COL19A1: variants seen among roughly 807,000 people sequenced by gnomAD.
COL19A1 encodes the protein collagen alpha-1(XIX) chain.
A neutral mutation model predicts 190.2 loss-of-function variants in COL19A1; 159 were observed. The observed-to-expected ratio is 0.84, with a 90% CI of 0.73 to 0.95. The LOEUF is 0.95. Ranked by LOEUF, COL19A1 falls within the 40% of genes least tolerant of loss-of-function variation. The pLI is 0.00. For synonymous variants in COL19A1, 509 were observed against 458.9 expected, an observed-to-expected ratio of 1.11 and a Z score of -1.39; for missense variants, 1,418 against 1,431.9, an observed-to-expected ratio of 0.99 and a Z score of 0.16.
At chr6:70,070,396 C>T (rs1781479876) in intron 15 of COL19A1, among the ~76,000 whole-genome samples, 1 of 151,964 alleles carries the variant, frequency 6.6e-6, no homozygotes, top group Non-Finnish European at 1.5e-5. Flanking sequence ...TTACTTTTAT[C>T]TTCTATCAAG....
At chr6:69,916,394 G>A (rs1173087311) in intron 4 of COL19A1, among the ~76,000 whole-genome samples, 2 of 152,166 alleles carry the variant, frequency 1.3e-5, no homozygotes, top group Admixed American at 6.5e-5. Flanking sequence ...AAGTTTTCTA[G>A]AAAATGATCT....
chr6:70,000,028 A>C (rs1777158901), intron 11 of COL19A1, among the ~76,000 whole-genome samples: 1 of 152,030 alleles, frequency 6.6e-6, no homozygotes, highest in Non-Finnish European at 1.5e-5. Flanking sequence ...TCCATCCCTC[A>C]ACAGCCCCTG....
intron 14 of COL19A1, among the ~76,000 whole-genome samples, chr6:70,045,330 A>C (rs1230782705): frequency 6.6e-6 from 1 of 151,740 alleles, no homozygotes; most frequent in African/African-American, 2.4e-5. Flanking sequence ...AAAAAAAAAA[A>C]AAAAACTTTC....
intron 17 of COL19A1, among the ~76,000 whole-genome samples, chr6:70,125,028 A>G (rs193042302): frequency 2.6e-5 from 4 of 152,276 alleles, no homozygotes; most frequent in East Asian, 1.9e-4. Context: ...CAAATGTGCT[A>G]TGATGAGCAC....
At chr6:70,075,017 A>G (rs1781801639) in intron 15 of COL19A1, among the ~76,000 whole-genome samples, 1 of 152,202 alleles carries the variant, frequency 6.6e-6, no homozygotes, top group African/African-American at 2.4e-5. Flanking sequence ...AACACGTTAA[A>G]TGTTCTGTAT....
intron 11 of COL19A1, among the ~76,000 whole-genome samples, chr6:69,989,553 C>CTTTTTTTTTTTTTTTTTT (rs3072698): frequency 2.4e-5 from 3 of 126,322 alleles, no homozygotes; most frequent in African/African-American, 6.4e-5. Context: ...GAGTTTTTTA[C>CTTTTTTTTTTTTTTTTTT]TTTTTTTTTT....
intron 2 of COL19A1, among the ~76,000 whole-genome samples, chr6:69,882,436 A>G (rs1043294745): frequency 6.6e-5 from 10 of 152,208 alleles, no homozygotes; most frequent in African/African-American, 1.4e-4. Context: ...GTTAAAATAT[A>G]TACAATGCTA....
intron 14 of COL19A1, among the ~76,000 whole-genome samples, chr6:70,058,124 C>A (rs868311791): frequency 6.6e-6 from 1 of 151,818 alleles, no homozygotes; most frequent in Non-Finnish European, 1.5e-5. Flanking sequence ...TAAACAATAG[C>A]GACAGAGAAC....
chr6:70,034,306 G>A lies in COL19A1; in HGVS notation c.1134+8G>A, dbSNP rs1248990856. ...GGCCCAAAAGGAGAAAAGGTATTGT[G>A]TTTACCCAGCCAAGCCCAACCTTTC... On this transcript the variant is annotated splice_region_variant and intron_variant, in intron 13 of 50. Transcript: ENST00000620364. The A allele has an allele frequency of 5.6e-6, 9 of 1,610,894 alleles. No homozygotes were observed. The highest frequency in any genetic ancestry group is 6.8e-6 in the Non-Finnish European group (8 of 1,177,244).
chr6:69,928,688 A>T (rs1393424202), intron 5 of COL19A1, among the ~76,000 whole-genome samples: 3 of 152,068 alleles, frequency 2.0e-5, no homozygotes, highest in African/African-American at 7.2e-5. Flanking sequence ...GAATTGGGGG[A>T]TGGAGAGAGC....
intron 11 of COL19A1, among the ~76,000 whole-genome samples, chr6:69,978,304 T>G (rs1343517202): frequency 2.6e-5 from 4 of 152,092 alleles, no homozygotes; most frequent in Non-Finnish European, 5.9e-5. Flanking sequence ...GATAAAGAGA[T>G]AATGTTTTGC....
chr6:70,143,396 C>T (rs1786390690), intron 23 of COL19A1, among the ~76,000 whole-genome samples: 1 of 152,104 alleles, frequency 6.6e-6, no homozygotes, highest in South Asian at 2.1e-4. Context: ...GGACAACTTT[C>T]TAGCCTTCTG....
At chr6:70,132,462 C>T (rs959039442) in intron 18 of COL19A1, among the ~76,000 whole-genome samples, 6 of 152,072 alleles carry the variant, frequency 3.9e-5, no homozygotes, top group African/African-American at 1.4e-4. Context: ...TCAACTCTAC[C>T]TATGTAAGTC....
At chr6:70,205,209 C>T (rs1767783908) in intron 49 of COL19A1, among the ~76,000 whole-genome samples, 1 of 152,156 alleles carries the variant, frequency 6.6e-6, no homozygotes, top group South Asian at 2.1e-4. Context: ...ACTAGTTTCA[C>T]ATTTATGATC....
intron 14 of COL19A1, among the ~76,000 whole-genome samples, chr6:70,041,048 A>T (rs1779611822): frequency 6.6e-6 from 1 of 152,214 alleles, no homozygotes; most frequent in Admixed American, 6.5e-5. Context: ...AAAAGAAATG[A>T]AACACTTTCA....
At chr6:70,032,530 G>A (rs558758487) in intron 12 of COL19A1, among the ~76,000 whole-genome samples, 96 of 152,056 alleles carry the variant, frequency 6.3e-4, no homozygotes, top group Admixed American at 1.8e-3. Context: ...AAATAAAAGG[G>A]AACAGGAGAA....
intron 49 of COL19A1, among the ~76,000 whole-genome samples, chr6:70,200,711 C>G (rs583619): frequency 1.3e-5 from 2 of 151,696 alleles, no homozygotes; most frequent in Non-Finnish European, 2.9e-5. Context: ...GCCTCATTTT[C>G]TGAAGTGTCC....
At chr6:70,046,134 A>C (rs1350233226) in intron 14 of COL19A1, among the ~76,000 whole-genome samples, 6 of 152,166 alleles carry the variant, frequency 3.9e-5, no homozygotes. Flanking sequence ...GTTAGCCTTC[A>C]CATTTCTTTA....
At chr6:69,893,834 C>T (rs1423386607) in intron 2 of COL19A1, among the ~76,000 whole-genome samples, 2 of 152,194 alleles carry the variant, frequency 1.3e-5, no homozygotes, top group Non-Finnish European at 2.9e-5. Flanking sequence ...CACAATAAAA[C>T]TTGGTCTCCA....
Sources: allele counts gnomAD v4.1 joint callset (sites outside exome capture counted in the v4.1 genomes callset), GRCh38; gene constraint gnomAD v4.1.1; transcripts MANE v1.5; gene names NCBI Gene and HGNC (gene_info 2026-07-23, HGNC 2026-07-21).